FAM120A: variants seen among roughly 807,000 people sequenced by gnomAD.
FAM120A encodes constitutive coactivator of PPAR-gamma-like protein 1.
A neutral mutation model predicts 109.7 loss-of-function variants in FAM120A; 15 were observed. The ratio of observed to expected loss-of-function variants is 0.14; its 90% confidence interval spans 0.09 to 0.21. FAM120A has a LOEUF of 0.21. Ranked by LOEUF, FAM120A falls within the 10% of genes least tolerant of loss-of-function variation. The pLI is 1.00. For missense variants in FAM120A, 899 were observed against 1,439.3 expected (o/e 0.62, Z 6.07); for synonymous variants, 493 against 572.8 (o/e 0.86, Z 1.99).
intron 1 of FAM120A, among the ~76,000 whole-genome samples, chr9:93,454,117 T>C (rs1188271198): frequency 6.6e-6 from 1 of 152,228 alleles, no homozygotes; most frequent in Non-Finnish European, 1.5e-5. Flanking sequence ...CAGACCAATG[T>C]GTCAGTGTTA....
chr9:93,541,321 G>A (rs1861691756), intron 10 of FAM120A, among the ~76,000 whole-genome samples: 1 of 152,120 alleles, frequency 6.6e-6, no homozygotes, highest in Admixed American at 6.5e-5. Flanking sequence ...CGGCTCACAG[G>A]AAGGCCTGTG....
intron 11 of FAM120A, among the ~76,000 whole-genome samples, chr9:93,544,103 C>G (rs1588900523): frequency 6.6e-6 from 1 of 152,332 alleles, no homozygotes; most frequent in African/African-American, 2.4e-5. Flanking sequence ...CTCCTGTCCT[C>G]TTTTTATAGG....
At chr9:93,471,027 A>T in intron 1 of FAM120A, 114 bp from the exon 2 acceptor site, 1 of 1,292,802 alleles carries the variant, frequency 7.7e-7, no homozygotes. Flanking sequence ...TTTGGCTTTC[A>T]CGGATAGTTT....
At chr9:93,518,677 G>A (rs1176686250) in intron 7 of FAM120A, among the ~76,000 whole-genome samples, 3 of 152,336 alleles carry the variant, frequency 2.0e-5, no homozygotes, top group Non-Finnish European at 1.5e-5. Context: ...CATGCCGAGA[G>A]TGAGGAGCGG....
intron 1 of FAM120A, among the ~76,000 whole-genome samples, chr9:93,457,564 C>T (rs978516734): frequency 1.9e-4 from 29 of 152,084 alleles, no homozygotes; most frequent in Admixed American, 1.4e-3. Flanking sequence ...TATATACACA[C>T]AGTAGAGCTA....
At position 93,550,763 on chromosome 9, in the gene FAM120A, C is replaced by G. The variant is rs528001287; in HGVS notation, c.2274+72C>G. 247 of 1,077,550 alleles carry G rather than the reference C, an allele frequency of 2.3e-4. 1 individual carries two copies. In the African/African-American group the frequency reaches 2.8e-3, roughly 12 times the overall value. The allele number at this position is 1,077,550 out of a possible 1,614,324, so 66.7% of individuals were successfully genotyped here. ...ATTTTGGTGTAATACTGCTAACTTT[C>G]AACAGGCAGAATTGCTAATTCTTTA... On this transcript the variant is annotated intron_variant, in intron 12 of 17. Transcript: ENST00000277165.
intron 10 of FAM120A, among the ~76,000 whole-genome samples, chr9:93,533,524 G>A (rs1861408022): frequency 6.6e-6 from 1 of 152,170 alleles, no homozygotes; most frequent in South Asian, 2.1e-4. Flanking sequence ...AATGAACATT[G>A]TAAATGACAT....
chr9:93,556,798 A>G (rs1344857201), intron 13 of FAM120A, among the ~76,000 whole-genome samples: 3 of 152,202 alleles, frequency 2.0e-5, no homozygotes, highest in African/African-American at 7.2e-5. Context: ...TATTTGTGGT[A>G]GTAATGTTCT....
chr9:93,486,488 T>G (rs1859059759), intron 3 of FAM120A, among the ~76,000 whole-genome samples: 1 of 152,024 alleles, frequency 6.6e-6, no homozygotes, highest in Non-Finnish European at 1.5e-5. Context: ...AGTCATGTAG[T>G]AGGTCTATGC....
At chr9:93,560,832 C>T (rs1862440736) in intron 15 of FAM120A, among the ~76,000 whole-genome samples, 1 of 152,234 alleles carries the variant, frequency 6.6e-6, no homozygotes, top group Non-Finnish European at 1.5e-5. Flanking sequence ...ATGCCATATG[C>T]ACCTGATGAC....
At chr9:93,548,343 C>T (rs965162102) in intron 11 of FAM120A, among the ~76,000 whole-genome samples, 10 of 152,118 alleles carry the variant, frequency 6.6e-5, no homozygotes, top group African/African-American at 2.4e-4. Flanking sequence ...ATCTCCTGAC[C>T]TCGTGATCCT....
At chr9:93,484,893 C>G (rs1327221054) in intron 3 of FAM120A, among the ~76,000 whole-genome samples, 1 of 152,138 alleles carries the variant, frequency 6.6e-6, no homozygotes, top group Non-Finnish European at 1.5e-5. Flanking sequence ...GTGCTTAGAC[C>G]TAGAATGCTC....
At chr9:93,520,704 G>A (rs1182041621) in intron 7 of FAM120A, among the ~76,000 whole-genome samples, 1 of 152,168 alleles carries the variant, frequency 6.6e-6, no homozygotes, top group African/African-American at 2.4e-5. Context: ...CAACATTGGT[G>A]GAACAGATGT....
intron 13 of FAM120A, among the ~76,000 whole-genome samples, chr9:93,556,998 C>CA (rs1862305007): frequency 1.3e-5 from 2 of 152,144 alleles, no homozygotes. Flanking sequence ...TTATTGAACT[C>CA]ACAGCCAGTA....
In FAM120A at chr9:93,498,774, C is replaced by T. The variant is rs370113629; in HGVS notation, c.934-16C>T. 5.3e-6 allele frequency: 8 copies of T among 1,517,610 alleles called. No individual in the cohort carries two copies. Among genetic ancestry groups the T allele is most frequent in the Non-Finnish European group, 7.3e-6 (8 of 1,092,272 alleles). The allele number at this position is 1,517,610 out of a possible 1,614,324, so 94.0% of individuals were successfully genotyped here. A position where few individuals can be genotyped will look rare whatever the true frequency, so the allele number is the denominator to read the frequency against. On this transcript the variant is annotated splice_polypyrimidine_tract_variant and intron_variant, in intron 4 of 17. Coordinates refer to ENST00000277165, the MANE Select transcript of FAM120A (RefSeq NM_014612.5). This position sits in a 1 kb window ranked among gnomAD's most constrained non-coding sequence, Gnocchi z 4.4. ...TGGCACACTAATTTATGAAGGTTTT[C>T]CTGCCTTTATTTCAGTCTAGAACAG...
In FAM120A at chr9:93,558,703, AGCAAGT is replaced by A. The variant is rs749949907; in HGVS notation, c.2792_2797del (p.Ser931_Ser933delinsThr). 6.2e-7 allele frequency: 1 copy of A among 1,614,026 alleles called. No homozygotes were observed. On this transcript the variant is annotated inframe_deletion, in exon 15 of 18. Coordinates refer to ENST00000277165, the MANE Select transcript of FAM120A (RefSeq NM_014612.5). ...CTCAGGCAGTGACAGCAGCAGGACT[AGCAAGT>A]CCCAGGGCGGTAATTATACCCACCC...
At chr9:93,556,977 T>G (rs1484423450) in intron 13 of FAM120A, among the ~76,000 whole-genome samples, 5 of 152,208 alleles carry the variant, frequency 3.3e-5, no homozygotes, top group Non-Finnish European at 5.9e-5. Context: ...ATATGGATTG[T>G]TGATTCATTA....
chr9:93,541,323 A>AAGGCAGGTC (rs2131511102), intron 10 of FAM120A, among the ~76,000 whole-genome samples: 1 of 152,180 alleles, frequency 6.6e-6, no homozygotes, highest in Non-Finnish European at 1.5e-5. Context: ...GCTCACAGGA[A>AAGGCAGGTC]GGCCTGTGCA....
chr9:93,554,056 G>T (rs538517844), intron 12 of FAM120A, among the ~76,000 whole-genome samples: 1 of 145,882 alleles, frequency 6.9e-6, no homozygotes, highest in East Asian at 2.1e-4. Context: ...TAATTATCTT[G>T]AAACTATAAA....
Sources: allele counts gnomAD v4.1 joint callset (sites outside exome capture counted in the v4.1 genomes callset), GRCh38; gene constraint gnomAD v4.1.1; non-coding constraint Gnocchi (gnomAD v3.1); transcripts MANE v1.5; gene names NCBI Gene and HGNC (gene_info 2026-07-23, HGNC 2026-07-21).